The following TMEM132C variants were observed in gnomAD, a reference collection of about 807,000 sequenced individuals.
The protein encoded by TMEM132C is transmembrane protein 132C.
TMEM132C carries 29 observed loss-of-function variants against 61.4 expected under a neutral mutation model. The observed-to-expected ratio is 0.47, with a 90% CI of 0.35 to 0.64. TMEM132C has a LOEUF of 0.64. Among genes scored for constraint, TMEM132C ranks in the 30% least tolerant of loss-of-function variants. TMEM132C has a pLI of 0.00. For synonymous variants in TMEM132C, 656 were observed against 633.1 expected, an observed-to-expected ratio of 1.04 and a Z score of -0.54; for missense variants, 1,408 against 1,476.9, an observed-to-expected ratio of 0.95 and a Z score of 0.76.
chr12:128,705,854 G>C lies in TMEM132C; in HGVS notation c.2886G>C (p.Gln962His), dbSNP rs1475578877. ...YRHKQVPLEG[Q>H]ASMTHSHDWV... ...ACAAGCAAGTGCCCCTGGAAGGTCA[G>C]GCCTCCATGACCCACTCTCACGACT... Residue 962 changes from glutamine (Q) to histidine (H), a missense_variant, in exon 9 of 9, where the codon CAG becomes CAC. Coordinates refer to ENST00000435159, the MANE Select transcript of TMEM132C (RefSeq NM_001136103.3). 5 of 1,551,520 alleles carry C rather than the reference G, an allele frequency of 3.2e-6. No homozygotes were observed. The highest frequency in any genetic ancestry group is 3.9e-5 in the Admixed American group (2 of 50,982).
chr12:128,569,184 G>A (rs2398416), intron 3 of TMEM132C, among the ~76,000 whole-genome samples: 21,627 of 152,156 alleles, frequency 0.14, 2,168 homozygotes, highest in African/African-American at 0.28. Flanking sequence ...CAGGCAGAGG[G>A]CACAGTGAGC....
At chr12:128,406,351 C>T (rs368626741) in intron 1 of TMEM132C, among the ~76,000 whole-genome samples, 1 of 152,196 alleles carries the variant, frequency 6.6e-6, no homozygotes, top group South Asian at 2.1e-4. Context: ...ACATGGTATT[C>T]AAGACAGAAG....
intron 8 of TMEM132C, among the ~76,000 whole-genome samples, chr12:128,697,959 A>C (rs1954777600): frequency 6.6e-6 from 1 of 152,180 alleles, no homozygotes. Context: ...TCTCATTTTC[A>C]TACCCAGTTA....
At chr12:128,369,678 G>T (rs1445757488) in intron 1 of TMEM132C, among the ~76,000 whole-genome samples, 1 of 152,184 alleles carries the variant, frequency 6.6e-6, no homozygotes, top group African/African-American at 2.4e-5. Context: ...CCTGGGTCAT[G>T]GTTTTTCTTC....
rs374267876 is a variant in TMEM132C, at chr12:128,482,967, G to C, written c.975-60990G>C. Among the ~76,000 whole-genome samples, 186 of 152,052 alleles carry C rather than the reference G, an allele frequency of 1.2e-3. 4 individuals are homozygous for C. In the South Asian group the frequency reaches 0.035, roughly 29 times the overall value. On this transcript the variant is annotated intron_variant, in intron 2 of 8. Coordinates refer to ENST00000435159, the MANE Select transcript of TMEM132C (RefSeq NM_001136103.3). ...AAAATAAAGAATGCTTGCTTGGCCA[G>C]GCATGGTGACTCATGCTTGTAATTC...
chr12:128,536,632 C>T (rs193241742), intron 2 of TMEM132C, among the ~76,000 whole-genome samples: 3 of 152,280 alleles, frequency 2.0e-5, no homozygotes, highest in Non-Finnish European at 2.9e-5. Flanking sequence ...CACCACCTTC[C>T]ACCCGCAGTG....
At chr12:128,498,979 C>A (rs573980886) in intron 2 of TMEM132C, among the ~76,000 whole-genome samples, 2 of 152,076 alleles carry the variant, frequency 1.3e-5, no homozygotes, top group Non-Finnish European at 2.9e-5. Flanking sequence ...CAATTCAATG[C>A]AATTACTATC....
intron 1 of TMEM132C, among the ~76,000 whole-genome samples, chr12:128,318,311 T>A (rs972490506): frequency 1.3e-5 from 2 of 152,220 alleles, no homozygotes; most frequent in African/African-American, 4.8e-5. Flanking sequence ...TCCAAATCTC[T>A]GGAGAGCAGG....
At chr12:128,514,278 A>G (rs1054134299) in intron 2 of TMEM132C, among the ~76,000 whole-genome samples, 1 of 152,196 alleles carries the variant, frequency 6.6e-6, no homozygotes, top group Non-Finnish European at 1.5e-5. Context: ...TTCTCTTTCT[A>G]CTTAGCAAGC....
At chr12:128,356,875 T>A (rs1242726546) in intron 1 of TMEM132C, among the ~76,000 whole-genome samples, 1 of 152,202 alleles carries the variant, frequency 6.6e-6, no homozygotes, top group Non-Finnish European at 1.5e-5. Flanking sequence ...ACTAAAAATG[T>A]GCTTATTTCT....
At chr12:128,459,943 C>T (rs1406622573) in intron 2 of TMEM132C, among the ~76,000 whole-genome samples, 1 of 149,872 alleles carries the variant, frequency 6.7e-6, no homozygotes, top group Admixed American at 6.7e-5. Context: ...TTGAGATTCT[C>T]TTGGCACCTC....
intron 2 of TMEM132C, among the ~76,000 whole-genome samples, chr12:128,426,174 G>A (rs1472064754): frequency 2.0e-5 from 3 of 152,202 alleles, no homozygotes; most frequent in Non-Finnish European, 4.4e-5. Context: ...ACTCCTCTCC[G>A]CCGGAGGAGT....
chr12:128,368,247 G>A (rs1358024420), intron 1 of TMEM132C, among the ~76,000 whole-genome samples: 1 of 152,204 alleles, frequency 6.6e-6, no homozygotes, highest in Non-Finnish European at 1.5e-5. Flanking sequence ...ATTTGTCCCC[G>A]CTGCTCTGCT....
At chr12:128,271,711 T>G (rs1181236812) in intron 1 of TMEM132C, among the ~76,000 whole-genome samples, 1 of 152,228 alleles carries the variant, frequency 6.6e-6, no homozygotes, top group Non-Finnish European at 1.5e-5. Flanking sequence ...CTTAAGCAGT[T>G]GAGTTTTGCT....
At chr12:128,481,559 A>C (rs1222150811) in intron 2 of TMEM132C, among the ~76,000 whole-genome samples, 1 of 152,186 alleles carries the variant, frequency 6.6e-6, no homozygotes, top group South Asian at 2.1e-4. Flanking sequence ...CGGATGAGAG[A>C]GCTGAGGCCT....
At chr12:128,377,000 A>T (rs1874212727) in intron 1 of TMEM132C, among the ~76,000 whole-genome samples, 1 of 151,982 alleles carries the variant, frequency 6.6e-6, no homozygotes, top group African/African-American at 2.4e-5. Context: ...CTTCAGGGAG[A>T]TGCTGGACTC....
chr12:128,629,901 G>C (rs1184031949), intron 4 of TMEM132C, among the ~76,000 whole-genome samples: 1 of 151,024 alleles, frequency 6.6e-6, no homozygotes, highest in African/African-American at 2.4e-5. Flanking sequence ...GGGAGGCAGA[G>C]GTTGCAGTGA....
intron 1 of TMEM132C, among the ~76,000 whole-genome samples, chr12:128,380,188 A>G (rs1874356531): frequency 6.6e-6 from 1 of 152,250 alleles, no homozygotes; most frequent in Non-Finnish European, 1.5e-5. Flanking sequence ...CTTCAGAAAG[A>G]TGGTTTGTCT....
intron 5 of TMEM132C, among the ~76,000 whole-genome samples, chr12:128,691,321 A>C (rs367963753): frequency 3.9e-5 from 6 of 152,198 alleles, no homozygotes; most frequent in Admixed American, 3.9e-4. Flanking sequence ...GCTCCATGTC[A>C]TCTCAGTCTC....
Sources: gnomAD v4.1 joint callset for allele counts (sites outside exome capture counted in the v4.1 genomes callset) on GRCh38, gnomAD v4.1.1 for gene constraint, MANE v1.5 for transcripts, NCBI Gene and HGNC (gene_info 2026-07-23, HGNC 2026-07-21) for gene names.